The following ZNF800 variants were observed in gnomAD, a reference collection of about 807,000 sequenced individuals.
ZNF800 encodes zinc finger protein 800.
A neutral mutation model predicts 59.5 loss-of-function variants in ZNF800; 13 were observed. The ratio of observed to expected loss-of-function variants is 0.22; its 90% CI spans 0.14 to 0.35. The LOEUF is 0.35. Among genes scored for constraint, ZNF800 ranks in the 10% least tolerant of loss-of-function variants. The probability of loss-of-function intolerance (pLI) is 1.00; values close to 1 mark genes in which losing one functional copy is unlikely to be tolerated. For missense variants in ZNF800, 621 were observed against 783.7 expected (o/e 0.79, Z 2.48); for synonymous variants, 266 against 265.7 (o/e 1.00, Z -0.01).
chr7:127,346,754 T>G (rs1211960937), downstream of ZNF800: 1 of 152,342 alleles, frequency 6.6e-6, no homozygotes, highest in Admixed American at 6.5e-5. Flanking sequence ...AGGGAACTCC[T>G]GTGAAGGATA....
chr7:127,373,259 A>G (rs1800680741), intron 5 of ZNF800, 83 bp downstream of exon 5: 1 of 1,514,990 alleles, frequency 6.6e-7, no homozygotes, highest in Non-Finnish European at 8.8e-7. Context: ...GTTAAAATGG[A>G]ACCAGCTATA....
At chr7:127,354,431 C>G (rs1800229400) in intron 1 of ZNF800, among the ~76,000 whole-genome samples, 1 of 151,624 alleles carries the variant, frequency 6.6e-6, no homozygotes, top group Admixed American at 6.6e-5. Context: ...GTTCATGGAC[C>G]AAGGAACAAA....
rs1263400641 is a variant in ZNF800, at chr7:127,377,956, A to G, written c.158-627T>C. On this transcript the variant is annotated intron_variant, in intron 3 of 5. Transcript: ENST00000265827. The surrounding 1 kb of genome is among the most constrained non-coding windows in gnomAD (Gnocchi z 4.7). ...TACGAAGTAGAGAATCTTTGTCTAT[A>G]CTGAGACATAATTTTGAACTATGCT... Among the ~76,000 whole-genome samples, 1 of 152,048 alleles carries G rather than the reference A, an allele frequency of 6.6e-6. No homozygotes were observed. Among genetic ancestry groups the G allele is most frequent in the Non-Finnish European group, 1.5e-5 (1 of 67,930 alleles).
chr7:127,391,594 G>A lies in ZNF800; in HGVS notation c.-37C>T, dbSNP rs375960751. ...TCGACCTACTTTGCTTTCACTGTAA[G>A]AAGCTCTTCATTGCGGCGTGGCTGT... On this transcript the variant is annotated 5_prime_UTR_variant, in exon 2 of 6. Transcript: ENST00000265827. 9 of 1,600,274 alleles carry A rather than the reference G, an allele frequency of 5.6e-6. No individual in the cohort carries two copies. Among genetic ancestry groups the A allele is most frequent in the African/African-American group, 4.0e-5 (3 of 74,754 alleles).
intron 2 of ZNF800, among the ~76,000 whole-genome samples, chr7:127,387,741 G>A (rs1587456045): frequency 2.0e-5 from 3 of 152,022 alleles, no homozygotes; most frequent in African/African-American, 7.3e-5. Context: ...CATGCCTCTA[G>A]TCCTAGTTAC....
chr7:127,359,396 A>C (rs957266165), intron 1 of ZNF800, among the ~76,000 whole-genome samples: 2 of 152,292 alleles, frequency 1.3e-5, no homozygotes, highest in South Asian at 4.1e-4. Context: ...TTTAAAAGCT[A>C]TAACACTATT....
At chr7:127,384,218 T>A (rs17867437) in intron 3 of ZNF800, among the ~76,000 whole-genome samples, 1 of 140,582 alleles carries the variant, frequency 7.1e-6, no homozygotes, top group African/African-American at 2.6e-5. Context: ...ACTTAACTAA[T>A]TCTAACTTCT....
At chr7:127,351,153 A>T (rs1800160421) in intron 1 of ZNF800, among the ~76,000 whole-genome samples, 2 of 152,194 alleles carry the variant, frequency 1.3e-5, no homozygotes. Flanking sequence ...GACCACATTT[A>T]AGAACCTTTG....
At chr7:127,386,972 A>AT (rs1801153283) in intron 2 of ZNF800, among the ~76,000 whole-genome samples, 1 of 151,996 alleles carries the variant, frequency 6.6e-6, no homozygotes, top group African/African-American at 2.4e-5. Context: ...GTGGATTTTC[A>AT]GGGATGTTTG....
intron 2 of ZNF800, among the ~76,000 whole-genome samples, 182 bp from the exon 3 acceptor site, chr7:127,386,337 G>A (rs1308806148): frequency 6.6e-6 from 1 of 151,912 alleles, no homozygotes; most frequent in African/African-American, 2.4e-5. Context: ...TCTTTGTAAG[G>A]CAAAATGAAA....
At chr7:127,356,064 G>A (rs17864930) in intron 1 of ZNF800, among the ~76,000 whole-genome samples, 1,936 of 152,038 alleles carry the variant, frequency 0.013, 39 homozygotes, top group African/African-American at 0.043. Context: ...ATTGGGCCTG[G>A]GTGATGAAAT....
Position 127,374,673 on chromosome 7 carries a change from A to T in ZNF800, c.663T>A (p.Ser221=), listed in dbSNP as rs556003505. Residue 221 remains serine (S), a synonymous_variant, in exon 5 of 6, where the codon TCT becomes TCA. Coordinates refer to ENST00000265827, the MANE Select transcript of ZNF800 (RefSeq NM_176814.5). ...PQESQADLET[S]DNSDFGHQLI... ...ACTGGTGACCAAAATCAGAATTGTC[A>T]GAAGTTTCCAAGTCAGCCTGCGACT... The T allele has an allele frequency of 1.2e-6, 2 of 1,614,026 alleles. No individual in the cohort carries two copies. Among genetic ancestry groups the T allele is most frequent in the Admixed American group, 3.3e-5 (2 of 60,000 alleles).
chr7:127,364,222 T>C (rs1800455611), intron 1 of ZNF800: 1 of 152,102 alleles, frequency 6.6e-6, no homozygotes, highest in Non-Finnish European at 1.5e-5. Flanking sequence ...GAGAAGCCAC[T>C]AGATTTCACA....
At chr7:127,345,606 T>C (rs1021519365), downstream of ZNF800, among the ~76,000 whole-genome samples, 2 of 152,162 alleles carry the variant, frequency 1.3e-5, no homozygotes, top group African/African-American at 2.4e-5. Flanking sequence ...GCAGTGTGGC[T>C]GCATTCGAGT....
chr7:127,374,853 A>C lies in ZNF800; in HGVS notation c.483T>G (p.Ser161Arg). 1 of 1,613,808 alleles carries C rather than the reference A, an allele frequency of 6.2e-7. No homozygotes were observed. The highest frequency in any genetic ancestry group is 8.5e-7 in the Non-Finnish European group (1 of 1,179,852). ...DNPIEVTESS[S>R]TPEQTEVQIQ... Reference sequence around the variant, plus strand: ...TCTGAACTTCGGTTTGTTCAGGAGTACTGCTTGACTCTGTGACTTCAATAG... The same window carrying C: ...TCTGAACTTCGGTTTGTTCAGGAGTCCTGCTTGACTCTGTGACTTCAATAG... The change falls in exon 5 of 6, where the codon AGT (serine) becomes AGG (arginine). Residue 161 changes from serine to arginine, a missense_variant. Around this residue, in one of 7 missense-constraint regions of ZNF800, gnomAD observed 218 missense variants for 230.8 expected, o/e 0.94. Coordinates refer to ENST00000265827, the MANE Select transcript of ZNF800 (RefSeq NM_176814.5).
At chr7:127,347,922 G>A (rs1258686681) in exon 2 of ZNF800, 4 of 149,136 alleles carry the variant, frequency 2.7e-5, no homozygotes, top group Non-Finnish European at 6.0e-5. Context: ...GCGCCGCCGC[G>A]GAGCTTGGCG....
At chr7:127,343,132 T>A (rs1799997734), downstream of ZNF800, among the ~76,000 whole-genome samples, 1 of 151,796 alleles carries the variant, frequency 6.6e-6, no homozygotes, top group Non-Finnish European at 1.5e-5. Context: ...ATTATTAAAT[T>A]AAAAAATGAA....
downstream of ZNF800, among the ~76,000 whole-genome samples, chr7:127,367,253 TAA>T (rs536675065): frequency 1.3e-5 from 2 of 152,062 alleles, no homozygotes; most frequent in Non-Finnish European, 2.9e-5. Flanking sequence ...TTTCCCCAAA[TAA>T]AGTCTTCTAA....
chr7:127,344,666 G>A (rs1375502585), downstream of ZNF800, among the ~76,000 whole-genome samples: 1 of 151,972 alleles, frequency 6.6e-6, no homozygotes, highest in Non-Finnish European at 1.5e-5. Flanking sequence ...AAGGAATAGA[G>A]GATATAAAAA....
Sources: gnomAD v4.1 joint callset for allele counts (sites outside exome capture counted in the v4.1 genomes callset) on GRCh38, gnomAD v4.1.1 for gene constraint, gnomAD v4.1.1 regional missense constraint, Gnocchi (gnomAD v3.1) non-coding constraint, MANE v1.5 for transcripts, NCBI Gene and HGNC (gene_info 2026-07-23, HGNC 2026-07-21) for gene names.